Variants in KLHL24 observed in about 807,000 individuals in gnomAD.
KLHL24 encodes kelch like family member 24, also known as kelch-like protein 24.
In KLHL24, 29 loss-of-function variants were observed where a neutral mutation model predicts 53.4. The ratio of observed to expected loss-of-function variants is 0.54; its 90% CI spans 0.40 to 0.74. The LOEUF (loss-of-function observed/expected upper bound fraction) is 0.74, where lower values mean the gene tolerates loss of function less well. Ranked by LOEUF, KLHL24 falls within the 30% of genes least tolerant of loss-of-function variation. The probability of loss-of-function intolerance (pLI) is 0.00; values close to 1 mark genes in which losing one functional copy is unlikely to be tolerated. For missense variants in KLHL24, 504 were observed against 744.0 expected, an observed-to-expected ratio of 0.68 and a Z score of 3.75; for synonymous variants, 222 against 253.7, an observed-to-expected ratio of 0.88 and a Z score of 1.19.
At chr3:183,665,750 AAAAAAT>A (rs1275714730) in intron 5 of KLHL24, among the ~76,000 whole-genome samples, 7 of 152,176 alleles carry the variant, frequency 4.6e-5, no homozygotes, top group African/African-American at 9.7e-5. Flanking sequence ...CTCCATCTCA[AAAAAAT>A]AAAAATAAAA....
chr3:183,679,460 C>T lies in KLHL24; in HGVS notation c.*174C>T. On this transcript the variant is annotated 3_prime_UTR_variant, in exon 8 of 8. Coordinates refer to ENST00000242810, the MANE Select transcript of KLHL24 (RefSeq NM_017644.3). ...CTTTCAAACTATAATAAAGCCTTTC[C>T]TATAATTGAAAAAAAAAACTTTTTT... 1 of 572,946 alleles carries T rather than the reference C, an allele frequency of 1.7e-6. No individual in the cohort carries two copies. Among genetic ancestry groups the T allele is most frequent in the Non-Finnish European group, 3.0e-6 (1 of 331,860 alleles). 35.5% of individuals were successfully genotyped at this position (572,946 alleles called of 1,614,324 possible). A position where few individuals can be genotyped will look rare whatever the true frequency, so the allele number is the denominator to read the frequency against.
At chr3:183,669,155 G>A (rs1300421905) in intron 5 of KLHL24, among the ~76,000 whole-genome samples, 2 of 151,990 alleles carry the variant, frequency 1.3e-5, no homozygotes, top group Non-Finnish European at 2.9e-5. Context: ...TCAAAATTAT[G>A]CCATGTGATA....
chr3:183,668,591 C>T (rs1236281988), intron 5 of KLHL24, among the ~76,000 whole-genome samples: 1 of 152,110 alleles, frequency 6.6e-6, no homozygotes, highest in Non-Finnish European at 1.5e-5. Context: ...AGAAGTGTGT[C>T]TTAGGCTGCA....
intron 7 of KLHL24, among the ~76,000 whole-genome samples, chr3:183,675,466 C>A (rs1711670576): frequency 6.6e-6 from 1 of 152,166 alleles, no homozygotes; most frequent in African/African-American, 2.4e-5. Flanking sequence ...AGCTCAGGGA[C>A]CTCCCCTGGA....
chr3:183,657,715 C>T (rs1719109442), intron 3 of KLHL24, among the ~76,000 whole-genome samples: 1 of 152,160 alleles, frequency 6.6e-6, no homozygotes, highest in African/African-American at 2.4e-5. Context: ...ATACTATTCT[C>T]CTATATTATA....
chr3:183,651,525 TATCTCAACATATTTCTACTA>T (rs1718115097), intron 3 of KLHL24, among the ~76,000 whole-genome samples: 1 of 152,242 alleles, frequency 6.6e-6, no homozygotes, highest in South Asian at 2.1e-4. Flanking sequence ...CAACTGTGCA[TATCTCAACATATTTCTACTA>T]ATTTCTCTTA....
At chr3:183,664,809 A>C (rs1480510669) in intron 4 of KLHL24, 112 bp from the exon 5 acceptor site, 2 of 533,616 alleles carry the variant, frequency 3.7e-6, no homozygotes, top group African/African-American at 3.8e-5. Flanking sequence ...CAAATTCTTG[A>C]ATTAGATGAA....
intron 1 of KLHL24, among the ~76,000 whole-genome samples, chr3:183,639,914 A>C (rs1289088675): frequency 1.3e-5 from 2 of 151,886 alleles, no homozygotes; most frequent in Non-Finnish European, 2.9e-5. Context: ...AATCCCAGCT[A>C]CTCGGGAGGC....
intron 3 of KLHL24, among the ~76,000 whole-genome samples, chr3:183,657,383 G>A (rs2108819197): frequency 6.6e-6 from 1 of 152,308 alleles, no homozygotes; most frequent in African/African-American, 2.4e-5. Context: ...GTTGGAATCA[G>A]CCATTAAGTA....
At chr3:183,656,958 C>G (rs16857896) in intron 3 of KLHL24, among the ~76,000 whole-genome samples, 2,871 of 151,824 alleles carry the variant, frequency 0.019, 85 homozygotes, top group African/African-American at 0.066. Context: ...ATTCTGATCT[C>G]TAGTACACCT....
chr3:183,665,075 C>A (rs760975117), intron 5 of KLHL24, 36 bp downstream of exon 5: 3 of 1,095,692 alleles, frequency 2.7e-6, no homozygotes, highest in South Asian at 2.6e-5. Flanking sequence ...ATTGCTGGTA[C>A]CTTTCCAAAG....
intron 1 of KLHL24, among the ~76,000 whole-genome samples, chr3:183,641,166 CTTA>C (rs1716362650): frequency 6.6e-6 from 1 of 151,878 alleles, no homozygotes; most frequent in Non-Finnish European, 1.5e-5. Context: ...TGTATAGTAC[CTTA>C]TTATATATGA....
intron 3 of KLHL24, among the ~76,000 whole-genome samples, chr3:183,659,289 C>T (rs1719359303): frequency 2.0e-5 from 3 of 152,088 alleles, no homozygotes; most frequent in South Asian, 4.1e-4. Flanking sequence ...GTAATCCCAG[C>T]AATTTGGGAG....
intron 5 of KLHL24, among the ~76,000 whole-genome samples, chr3:183,670,659 TTC>T (rs1721213949): frequency 6.6e-6 from 1 of 152,204 alleles, no homozygotes; most frequent in Non-Finnish European, 1.5e-5. Context: ...AATTGTACCA[TTC>T]TCAGTGTGAG....
intron 6 of KLHL24, among the ~76,000 whole-genome samples, chr3:183,671,657 T>C (rs1272375796): frequency 6.6e-6 from 1 of 152,168 alleles, no homozygotes; most frequent in Non-Finnish European, 1.5e-5. Flanking sequence ...ACCTCCTTAG[T>C]GTAAATAGAG....
intron 7 of KLHL24, among the ~76,000 whole-genome samples, chr3:183,678,514 CTTTTT>C (rs36116160): frequency 3.1e-4 from 46 of 148,332 alleles, no homozygotes; most frequent in Admixed American, 3.1e-3. Context: ...AACATATAAT[CTTTTT>C]TTTTTTTAAC....
chr3:183,650,959 C>T lies in KLHL24; in HGVS notation c.603C>T (p.His201=), dbSNP rs16857887. Residue 201 remains histidine (H), a synonymous_variant, in exon 3 of 8, where the codon CAC becomes CAT. Coordinates refer to ENST00000242810, the MANE Select transcript of KLHL24 (RefSeq NM_017644.3). The surrounding 1 kb of genome is among the most constrained non-coding windows in gnomAD (Gnocchi z 4.5). ...AGACTTTTGAGGATGTATCCCAGCA[C>T]GAAGAATTTCTTGAGCTTGACAAAG... ...ALQTFEDVSQ[H]EEFLELDKDE... is the part of the protein sequence containing the mutation. The T allele has an allele frequency of 9.2e-3, 14,822 of 1,614,064 alleles. 1,192 individuals carry two copies. In the African/African-American group the frequency reaches 0.17, roughly 19 times the overall value.
At position 183,641,059 on chromosome 3, in the gene KLHL24, A is replaced by T. The variant is rs1423536674; in HGVS notation, c.-124-2421A>T. On this transcript the variant is annotated intron_variant, in intron 1 of 7. Coordinates refer to ENST00000242810, the MANE Select transcript of KLHL24 (RefSeq NM_017644.3). ...AGTAATTCTTTAAACTGAAATTTTG[A>T]TAGTGCAAGTTTATGATTTTTAAAA... Among the ~76,000 whole-genome samples, 8 of 152,282 alleles carry T rather than the reference A, an allele frequency of 5.3e-5. No individual in the cohort carries two copies. In the East Asian group the frequency reaches 1.5e-3, roughly 29 times the overall value.
intron 6 of KLHL24, among the ~76,000 whole-genome samples, chr3:183,672,032 A>C (rs1228100322): frequency 6.6e-6 from 1 of 152,142 alleles, no homozygotes; most frequent in Non-Finnish European, 1.5e-5. Context: ...TAGACTGTTA[A>C]TTTTAGTGGA....
Sources: gnomAD v4.1 joint callset for allele counts (sites outside exome capture counted in the v4.1 genomes callset) on GRCh38, gnomAD v4.1.1 for gene constraint, Gnocchi (gnomAD v3.1) non-coding constraint, MANE v1.5 for transcripts, NCBI Gene and HGNC (gene_info 2026-07-23, HGNC 2026-07-21) for gene names.